The following PCDH19 variants were observed in gnomAD, a reference collection of about 807,000 sequenced individuals.
PCDH19 encodes the protein protocadherin 19, also known as protocadherin-19.
PCDH19 carries 6 observed loss-of-function variants against 46.2 expected under a neutral mutation model. The observed-to-expected ratio is 0.13, with a 90% CI of 0.07 to 0.26. The LOEUF is 0.26. Ranked by LOEUF, PCDH19 falls within the 10% of genes least tolerant of loss-of-function variation. PCDH19 has a pLI of 1.00. For missense variants in PCDH19, 740 were observed against 972.3 expected, an observed-to-expected ratio of 0.76 and a Z score of 3.18; for synonymous variants, 481 against 415.7, an observed-to-expected ratio of 1.16 and a Z score of -1.91.
At chrX:100,371,851 C>G (rs1328467998) in intron 3 of PCDH19, among the ~76,000 whole-genome samples, 2 of 19,452 alleles carry the variant, frequency 1.0e-4, no homozygotes, top group African/African-American at 1.5e-4. Context: ...AATGACTATA[C>G]ACACACACAC....
At chrX:100,377,649 G>A (rs986205631) in intron 3 of PCDH19, among the ~76,000 whole-genome samples, 2 of 112,260 alleles carry the variant, frequency 1.8e-5, no homozygotes, top group South Asian at 7.4e-4. Flanking sequence ...GTCACAGCAT[G>A]TGCAGGAGAA....
In PCDH19 at chrX:100,406,850, A is replaced by G. The variant is rs1569314377; in HGVS notation, c.1748T>C (p.Ile583Thr). The change falls in exon 1 of 6, where the codon ATA becomes ACA. Residue 583 changes from isoleucine (I) to threonine (T), a missense_variant. Transcript: ENST00000373034. ...AEVYIPRNSG[I>T]GYLVTVVKAE... ...CTTGACAACAGTCACCAGGTAGCCT[A>G]TGCCAGAGTTGCGGGGTATGTAGAC... 4.1e-6 allele frequency: 5 copies of G among 1,211,960 alleles called. No individual in the cohort carries two copies. Among genetic ancestry groups the G allele is most frequent in the Non-Finnish European group, 4.5e-6 (4 of 895,569 alleles).
intron 5 of PCDH19, among the ~76,000 whole-genome samples, chrX:100,329,080 C>T (rs1569293382): frequency 8.9e-6 from 1 of 112,265 alleles, no homozygotes; most frequent in Non-Finnish European, 1.9e-5. Context: ...GCTGTTTTAG[C>T]AGAAGGCTAG....
chrX:100,351,961 G>A (rs1926584297), intron 3 of PCDH19, among the ~76,000 whole-genome samples: 1 of 112,177 alleles, frequency 8.9e-6, no homozygotes, highest in Admixed American at 9.5e-5. Context: ...AAGGGGGACG[G>A]TGAATGTGTG....
Position 100,408,351 on chromosome X carries a change from T to A in PCDH19, c.247A>T (p.Thr83Ser). The A allele has an allele frequency of 8.3e-7, 1 of 1,210,148 alleles. No homozygotes were observed. Among genetic ancestry groups the A allele is most frequent in the Non-Finnish European group, 1.1e-6 (1 of 895,049 alleles). The change falls in exon 1 of 6, where the codon ACC (threonine) becomes TCC (serine). Residue 83 changes from threonine to serine, a missense_variant. By Grantham distance (58) the Thr-to-Ser change is moderately conservative (BLOSUM62 1). This residue lies in a region of PCDH19 where 81 missense variants were observed against 96.5 expected (regional missense o/e 0.84). Transcript: ENST00000373034. ...AGATCACGGTCAATCTTCTGCTTGG[T>A]GACCAGCAGGCCAGAGCTGGGATTG... The part of the protein sequence containing the change: ...DINPSSGLLV[T>S]KQKIDRDLLC...
rs190450977 is a variant in PCDH19 at position 100,293,772 on chromosome X, T to C, written c.*2505A>G. On this transcript the variant is annotated 3_prime_UTR_variant, in exon 6 of 6. Transcript: ENST00000373034. ...AAAGTATTTGGATAGGGAAGAAGGA[T>C]GGATCTATAGCTTGAAGATGAATTA... 1.1e-4 allele frequency: 12 copies of C among 110,858 alleles called. 1 individual carries two copies. Among genetic ancestry groups the C allele is most frequent in the African/African-American group, 3.9e-4 (12 of 30,528 alleles). 9.1% of individuals were successfully genotyped at this position (110,858 alleles called of 1,213,427 possible).
intron 5 of PCDH19, among the ~76,000 whole-genome samples, chrX:100,310,293 T>TCAATC (rs1434848003): frequency 1.3e-4 from 15 of 111,150 alleles, no homozygotes; most frequent in African/African-American, 4.6e-4. Flanking sequence ...TCGATTCAAT[T>TCAATC]CAATCCATAA....
At chrX:100,326,168 G>T (rs1355248864) in intron 5 of PCDH19, among the ~76,000 whole-genome samples, 1 of 112,040 alleles carries the variant, frequency 8.9e-6, no homozygotes, top group South Asian at 3.7e-4. Context: ...CTTTGGTTGA[G>T]ATTTTTTTTC....
intron 3 of PCDH19, among the ~76,000 whole-genome samples, chrX:100,375,204 T>C: frequency 8.9e-6 from 1 of 112,014 alleles, no homozygotes; most frequent in Non-Finnish European, 1.9e-5. Context: ...GCCATGTTGG[T>C]GTGCTGCACC....
At chrX:100,314,721 C>T (rs1442484062) in intron 5 of PCDH19, among the ~76,000 whole-genome samples, 1 of 111,388 alleles carries the variant, frequency 9.0e-6, no homozygotes, top group African/African-American at 3.3e-5. Flanking sequence ...GTTGTCAGCT[C>T]CCCCAGTGTA....
In PCDH19 at chrX:100,389,524, A is replaced by G. The variant is rs577135828; in HGVS notation, c.2616+13000T>C. On this transcript the variant is annotated intron_variant, in intron 3 of 5. Coordinates refer to ENST00000373034, the MANE Select transcript of PCDH19 (RefSeq NM_001184880.2). ...TTGTATTCCTGAAATTTTCTAGGAG[A>G]GTAGATCTTAAGTGTTCTCACCATT... Among the ~76,000 whole-genome samples, 6 of 110,905 alleles carry G rather than the reference A, an allele frequency of 5.4e-5. No homozygotes were observed. In the South Asian group the frequency reaches 2.3e-3, roughly 43 times the overall value.
rs1391748366 is a variant in PCDH19 at position 100,293,859 on chromosome X, T to C, written c.*2418A>G. 9.0e-6 allele frequency: 1 copy of C among 111,658 alleles called. No individual in the cohort carries two copies. The highest frequency in any genetic ancestry group is 1.9e-5 in the Non-Finnish European group (1 of 53,160). The allele number at this position is 111,658 out of a possible 1,213,427, so 9.2% of individuals were successfully genotyped here. A position where few individuals can be genotyped will look rare whatever the true frequency, so the allele number is the denominator to read the frequency against. ...ATCAATGCCAATGCCACTCTAACCATTTAAAACTTGGCTGGTAAGAGGCAT... is the reference window on the plus strand; with the variant it reads ...ATCAATGCCAATGCCACTCTAACCACTTAAAACTTGGCTGGTAAGAGGCAT... On this transcript the variant is annotated 3_prime_UTR_variant, in exon 6 of 6. Transcript: ENST00000373034.
At position 100,296,574 on chromosome X, in the gene PCDH19, G is replaced by A; in HGVS notation, c.3150C>T (p.Ser1050=). The change falls in exon 6 of 6, where the codon AGC becomes AGT. Residue 1050 remains serine, a synonymous_variant. Transcript: ENST00000373034. ...AGCCATTGCCTGCCTCCCGGATAAC[G>A]CTGTTGACCTTGGGGCTGCAGATGG... ...DVTICSPKVN[S]VIREAGNGCE... 1 of 1,211,375 alleles carries A rather than the reference G, an allele frequency of 8.3e-7. No homozygotes were observed. The highest frequency in any genetic ancestry group is 1.1e-6 in the Non-Finnish European group (1 of 895,369).
At chrX:100,397,063 C>A (rs780388878) in intron 3 of PCDH19, among the ~76,000 whole-genome samples, 1 of 111,823 alleles carries the variant, frequency 8.9e-6, no homozygotes, top group South Asian at 3.8e-4. Flanking sequence ...CCATGCTATC[C>A]AAACCAGCCT....
chrX:100,349,109 C>T (rs1380393605), intron 4 of PCDH19, among the ~76,000 whole-genome samples: 1 of 110,673 alleles, frequency 9.0e-6, no homozygotes, highest in East Asian at 2.8e-4. Context: ...ATAGAATTCC[C>T]AGGTACCCTG....
intron 3 of PCDH19, among the ~76,000 whole-genome samples, chrX:100,384,811 C>A (rs1441518164): frequency 9.0e-6 from 1 of 111,486 alleles, no homozygotes; most frequent in African/African-American, 3.3e-5. Context: ...AGTGTACATG[C>A]ATTTGTAATT....
chrX:100,339,966 G>A (rs1367201981), intron 5 of PCDH19, among the ~76,000 whole-genome samples: 1 of 111,260 alleles, frequency 9.0e-6, no homozygotes, highest in African/African-American at 3.3e-5. Flanking sequence ...TATATGTAGG[G>A]GAATCTTGGA....
At chrX:100,394,576 T>G (rs918087448) in intron 3 of PCDH19, among the ~76,000 whole-genome samples, 2 of 111,849 alleles carry the variant, frequency 1.8e-5, no homozygotes, top group Non-Finnish European at 3.8e-5. Flanking sequence ...CTTCTGTTCT[T>G]TGAGCCAAGG....
Position 100,296,524 on chromosome X carries a change from G to T in PCDH19, c.3200C>A (p.Ser1067Tyr), listed in dbSNP as rs868295418. The change falls in exon 6 of 6, where the codon TCC (serine) becomes TAC (tyrosine). Residue 1067 changes from serine to tyrosine, a missense_variant. Physicochemically the swap from Ser to Tyr is moderately radical, Grantham distance 144. Transcript: ENST00000373034. ...CAGAGAGCTCTTGAGGTGGAGGGGG[G>T]AGGTGACAGGGCTAATCGCCTCACA... The part of the protein sequence containing the change: ...NGCEAISPVT[S>Y]PLHLKSSLPT... The T allele has an allele frequency of 1.7e-6, 2 of 1,208,908 alleles. No individual in the cohort carries two copies. Among genetic ancestry groups the T allele is most frequent in the Non-Finnish European group, 2.2e-6 (2 of 894,696 alleles).
Sources: allele counts gnomAD v4.1 joint callset (sites outside exome capture counted in the v4.1 genomes callset), GRCh38; gene constraint gnomAD v4.1.1; regional missense constraint gnomAD v4.1.1; transcripts MANE v1.5; gene names NCBI Gene and HGNC (gene_info 2026-07-23, HGNC 2026-07-21).